The following GAS2 variants were observed in gnomAD, a reference collection of about 807,000 sequenced individuals.
The protein encoded by GAS2 is growth arrest specific 2.
Under a neutral mutation model 37.5 loss-of-function variants are expected in GAS2, and 20 were observed. The ratio of observed to expected loss-of-function variants is 0.53; its 90% confidence interval spans 0.37 to 0.77. The LOEUF is 0.77. Ranked by LOEUF, GAS2 falls within the 30% of genes least tolerant of loss-of-function variation. The probability of loss-of-function intolerance (pLI) is 0.00; values close to 1 mark genes in which losing one functional copy is unlikely to be tolerated. For synonymous variants in GAS2, 144 were observed against 132.2 expected, an observed-to-expected ratio of 1.09 and a Z score of -0.61; for missense variants, 336 against 373.4, an observed-to-expected ratio of 0.90 and a Z score of 0.82.
intron 1 of GAS2, among the ~76,000 whole-genome samples, chr11:22,645,364 C>T (rs1452945607): frequency 6.6e-6 from 1 of 151,880 alleles, no homozygotes; most frequent in Admixed American, 6.6e-5. Context: ...AAAAATTAGC[C>T]AGGTGTGGTA....
At chr11:22,679,233 G>A (rs1030920642) in intron 2 of GAS2, among the ~76,000 whole-genome samples, 1 of 152,024 alleles carries the variant, frequency 6.6e-6, no homozygotes, top group East Asian at 1.9e-4. Context: ...AAAAAAGACA[G>A]CAAAACAGTC....
At chr11:22,746,357 A>G (rs1300553917) in intron 5 of GAS2, among the ~76,000 whole-genome samples, 1 of 152,178 alleles carries the variant, frequency 6.6e-6, no homozygotes, top group East Asian at 1.9e-4. Context: ...TCGCGTTACT[A>G]GGTATATACC....
chr11:22,723,482 A>G (rs1266810052), intron 3 of GAS2, among the ~76,000 whole-genome samples: 1 of 151,942 alleles, frequency 6.6e-6, no homozygotes, highest in East Asian at 1.9e-4. Context: ...AGGGCTTGTC[A>G]CTTGTGCATA....
rs140821633 is a variant in GAS2, at chr11:22,791,836, C to G, written c.724-19962C>G. Among the ~76,000 whole-genome samples, 145 of 152,286 alleles carry G rather than the reference C, an allele frequency of 9.5e-4. 1 individual carries two copies. Among genetic ancestry groups the G allele is most frequent in the African/African-American group, 3.2e-3 (134 of 41,576 alleles). The stretch of plus-strand genomic sequence containing the variant: ...GAATGGTTCTGTATATGAGGCCCTT[C>G]TACAAACAAGCACATCACTGGAGGC... On this transcript the variant is annotated intron_variant, in intron 7 of 7. Transcript: ENST00000454584.
At chr11:22,689,302 G>A (rs376209381) in intron 3 of GAS2, among the ~76,000 whole-genome samples, 114 of 152,118 alleles carry the variant, frequency 7.5e-4, no homozygotes, top group East Asian at 3.1e-3. Flanking sequence ...AAAAAATACC[G>A]ATTATGACCT....
At chr11:22,635,045 AG>A (rs1362217907) in intron 1 of GAS2, among the ~76,000 whole-genome samples, 1 of 152,168 alleles carries the variant, frequency 6.6e-6, no homozygotes, top group Non-Finnish European at 1.5e-5. Flanking sequence ...GTTGGCCTCC[AG>A]CCAGGAGGCG....
At chr11:22,791,243 AG>A (rs1856145814) in intron 7 of GAS2, among the ~76,000 whole-genome samples, 1 of 152,144 alleles carries the variant, frequency 6.6e-6, no homozygotes, top group Non-Finnish European at 1.5e-5. Flanking sequence ...AAAGGTGTAG[AG>A]GGGATGGGGG....
At position 22,812,111 on chromosome 11, in the gene GAS2, GAGAA is replaced by G; in HGVS notation, c.*99_*102del. 1 of 849,582 alleles carries G rather than the reference GAGAA, an allele frequency of 1.2e-6. No homozygotes were observed. The allele number at this position is 849,582 out of a possible 1,614,324, so 52.6% of individuals were successfully genotyped here. A position where few individuals can be genotyped will look rare whatever the true frequency, so the allele number is the denominator to read the frequency against. On this transcript the variant is annotated 3_prime_UTR_variant, in exon 8 of 8. Transcript: ENST00000454584. ...TTCATATGTTCTGAAAACTGTTTTGGAGAAAGATAGACAGAAAAATGTCATCATA... is the reference window on the plus strand; with the variant it reads ...TTCATATGTTCTGAAAACTGTTTTGGAGATAGACAGAAAAATGTCATCATA...
intron 1 of GAS2, among the ~76,000 whole-genome samples, chr11:22,649,216 C>T (rs1848741313): frequency 6.6e-6 from 1 of 151,952 alleles, no homozygotes; most frequent in Non-Finnish European, 1.5e-5. Context: ...TGCTGGATTA[C>T]ATTTATTGAT....
intron 3 of GAS2, among the ~76,000 whole-genome samples, chr11:22,716,548 G>A (rs988427415): frequency 6.6e-6 from 1 of 151,656 alleles, no homozygotes; most frequent in Admixed American, 6.6e-5. Context: ...GCTGATGCAC[G>A]AGACTAGCTT....
intron 1 of GAS2, among the ~76,000 whole-genome samples, chr11:22,634,806 CTGTGAGATTTTCTTGGT>C (rs1324552613): frequency 1.3e-5 from 2 of 152,068 alleles, no homozygotes; most frequent in Admixed American, 6.5e-5. Context: ...GATGTAGACT[CTGTGAGATTTTCTTGGT>C]TGTGAGATTT....
chr11:22,709,821 C>G (rs779743310), intron 3 of GAS2, among the ~76,000 whole-genome samples: 49 of 152,132 alleles, frequency 3.2e-4, no homozygotes, highest in Non-Finnish European at 5.9e-4. Context: ...CCATGGAATA[C>G]TATGCAGCGG....
chr11:22,671,703 A>G (rs1849207126), intron 1 of GAS2, among the ~76,000 whole-genome samples: 1 of 152,112 alleles, frequency 6.6e-6, no homozygotes, highest in African/African-American at 2.4e-5. Flanking sequence ...CATATTGACT[A>G]AACACTTCTT....
In GAS2 at chr11:22,752,346, G is replaced by GT. The variant is rs575549093; in HGVS notation, c.615+3094dup. ...GAACTATTTGCATTCTGTTTGATAG[G>GT]TTTTTTTTTACTGAAGTGTTTTATT... On this transcript the variant is annotated intron_variant, in intron 6 of 7. Coordinates refer to ENST00000454584, the MANE Select transcript of GAS2 (RefSeq NM_001143830.3). Among the ~76,000 whole-genome samples, 252 of 151,186 alleles carry GT rather than the reference G, an allele frequency of 1.7e-3. 1 individual carries two copies. Among genetic ancestry groups the GT allele is most frequent in the South Asian group, 6.9e-3 (33 of 4,788 alleles).
At chr11:22,705,326 G>A (rs927043377) in intron 3 of GAS2, among the ~76,000 whole-genome samples, 4 of 152,110 alleles carry the variant, frequency 2.6e-5, no homozygotes, top group African/African-American at 9.7e-5. Flanking sequence ...CCAGGGGTGT[G>A]TATGATTTGC....
At chr11:22,750,445 G>T (rs376804845) in intron 6 of GAS2, among the ~76,000 whole-genome samples, 2 of 152,070 alleles carry the variant, frequency 1.3e-5, no homozygotes, top group South Asian at 2.1e-4. Flanking sequence ...AGGGCAGCAA[G>T]CATATTAGCT....
intron 1 of GAS2, among the ~76,000 whole-genome samples, chr11:22,635,256 A>G (rs539999691): frequency 2.0e-5 from 3 of 152,304 alleles, no homozygotes; most frequent in East Asian, 1.9e-4. Flanking sequence ...GTCCCACACT[A>G]TGGCCTCCCA....
chr11:22,647,186 T>C (rs1848707026), intron 1 of GAS2, among the ~76,000 whole-genome samples: 2 of 151,236 alleles, frequency 1.3e-5, no homozygotes, highest in Non-Finnish European at 2.9e-5. Context: ...GGTTGTTTGT[T>C]CTTGCGATAG....
At chr11:22,635,959 C>G (rs945712450) in intron 1 of GAS2, among the ~76,000 whole-genome samples, 1 of 152,206 alleles carries the variant, frequency 6.6e-6, no homozygotes, top group Non-Finnish European at 1.5e-5. Flanking sequence ...ACCACTCACA[C>G]TCTGGGGACT....
Sources: allele counts gnomAD v4.1 joint callset (sites outside exome capture counted in the v4.1 genomes callset), GRCh38; gene constraint gnomAD v4.1.1; transcripts MANE v1.5; gene names NCBI Gene and HGNC (gene_info 2026-07-23, HGNC 2026-07-21).